The following SVOPL variants were observed in gnomAD, a reference collection of about 807,000 sequenced individuals.
The protein encoded by SVOPL is putative transporter SVOPL.
In SVOPL, 60 loss-of-function variants were observed where a neutral mutation model predicts 61.0. The observed-to-expected ratio is 0.98, with a 90% CI of 0.80 to 1.22. The LOEUF is 1.22. Ranked by LOEUF, SVOPL falls within the 50% of genes most tolerant of loss-of-function variation. The pLI, the probability that SVOPL is intolerant of heterozygous loss-of-function variation, is 0.00. For synonymous variants in SVOPL, 279 were observed against 250.0 expected (o/e 1.12, Z -1.09); for missense variants, 662 against 643.9 (o/e 1.03, Z -0.30).
At chr7:138,676,927 G>A (rs1225000491) in intron 3 of SVOPL, among the ~76,000 whole-genome samples, 8 of 93,988 alleles carry the variant, frequency 8.5e-5, no homozygotes, top group African/African-American at 3.5e-4. Context: ...TTTTTGAGAT[G>A]AAGTCTCGCT....
intron 9 of SVOPL, among the ~76,000 whole-genome samples, chr7:138,640,764 A>G (rs1800742810): frequency 6.6e-6 from 1 of 152,122 alleles, no homozygotes; most frequent in Non-Finnish European, 1.5e-5. Flanking sequence ...AGACTACTAG[A>G]GTGGGGAGGG....
intron 14 of SVOPL, among the ~76,000 whole-genome samples, chr7:138,601,239 G>A (rs573306805): frequency 1.0e-4 from 13 of 128,140 alleles, no homozygotes; most frequent in Admixed American, 6.1e-4. Flanking sequence ...GCGACAGAGC[G>A]AGATTCCATC....
Position 138,679,017 on chromosome 7 carries a change from G to T in SVOPL, c.29C>A (p.Thr10Lys), listed in dbSNP as rs369004741. Residue 10 changes from threonine (T) to lysine (K), a missense_variant, in exon 2 of 16, where the codon ACG (threonine) becomes AAG (lysine). Physicochemically the swap from Thr to Lys is moderately conservative, Grantham distance 78. Transcript: ENST00000674285. MATKPTEPV[T>K]ILSLRKLSLG... ...GCTCAATTTCCGAAGGCTGAGGATC[G>T]TGACAGGCTCTGTTGGCTTGGTTGC... 1 of 1,551,600 alleles carries T rather than the reference G, an allele frequency of 6.4e-7. No homozygotes were observed. The highest frequency in any genetic ancestry group is 8.7e-7 in the Non-Finnish European group (1 of 1,146,962).
At chr7:138,625,860 G>A in intron 13 of SVOPL, 109 bp downstream of exon 13, 1 of 1,100,034 alleles carries the variant, frequency 9.1e-7, no homozygotes, top group Non-Finnish European at 1.3e-6. Context: ...ATTGTTTTTA[G>A]AAAATCATCA....
chr7:138,678,563 C>A, intron 2 of SVOPL, 38 bp from the exon 3 acceptor site: 1 of 1,545,562 alleles, frequency 6.5e-7, no homozygotes, highest in Non-Finnish European at 8.8e-7. Flanking sequence ...ATTGCTTCTG[C>A]AGGGAAGGGA....
At chr7:138,678,302 G>A in intron 3 of SVOPL, 132 bp downstream of exon 3, 2 of 837,162 alleles carry the variant, frequency 2.4e-6, no homozygotes, top group Non-Finnish European at 3.6e-6. Context: ...CATCCACCTT[G>A]GGCACACGTT....
At chr7:138,691,571 G>A (rs1563140256) in intron 1 of SVOPL, among the ~76,000 whole-genome samples, 5 of 152,038 alleles carry the variant, frequency 3.3e-5, no homozygotes, top group South Asian at 2.1e-4. Context: ...ACCAAGTCTC[G>A]CTCTTGTCAC....
chr7:138,687,641 G>A (rs1330509752), intron 1 of SVOPL, among the ~76,000 whole-genome samples: 1 of 148,550 alleles, frequency 6.7e-6, no homozygotes, highest in Non-Finnish European at 1.5e-5. Context: ...AAAAAAATTG[G>A]ACTTAATAAA....
intron 1 of SVOPL, among the ~76,000 whole-genome samples, chr7:138,683,612 A>C (rs1584867788): frequency 6.6e-6 from 1 of 151,718 alleles, no homozygotes; most frequent in East Asian, 2.0e-4. Flanking sequence ...TAGGTGATCC[A>C]CCCGCCTTGG....
intron 7 of SVOPL, among the ~76,000 whole-genome samples, chr7:138,650,006 GTT>G (rs1009073001): frequency 6.6e-5 from 10 of 151,826 alleles, no homozygotes; most frequent in African/African-American, 2.2e-4. Flanking sequence ...TAATTTTTGT[GTT>G]TTTAGTAGAG....
intron 7 of SVOPL, among the ~76,000 whole-genome samples, chr7:138,654,047 C>T (rs1366090939): frequency 6.6e-6 from 1 of 151,312 alleles, no homozygotes; most frequent in Non-Finnish European, 1.5e-5. Context: ...GCGTGAGAAT[C>T]TCTTGAACCC....
At chr7:138,620,119 G>GTTTT (rs375556204) in intron 14 of SVOPL, among the ~76,000 whole-genome samples, 3,013 of 114,138 alleles carry the variant, frequency 0.026, 198 homozygotes, top group African/African-American at 0.089. Flanking sequence ...TTTTTTTTCT[G>GTTTT]TTTTGTTTTT....
intron 3 of SVOPL, among the ~76,000 whole-genome samples, chr7:138,677,476 G>T (rs1802595961): frequency 6.6e-6 from 1 of 152,100 alleles, no homozygotes; most frequent in South Asian, 2.1e-4. Flanking sequence ...ATGTGAAAAA[G>T]AAATAAGTCA....
intron 3 of SVOPL, among the ~76,000 whole-genome samples, chr7:138,675,134 G>A (rs1045259646): frequency 1.3e-5 from 2 of 150,824 alleles, no homozygotes; most frequent in Non-Finnish European, 3.0e-5. Context: ...AGGCTTGGTG[G>A]CTAAGCCTAT....
At chr7:138,637,862 G>A (rs1171719298) in intron 9 of SVOPL, among the ~76,000 whole-genome samples, 1 of 151,140 alleles carries the variant, frequency 6.6e-6, no homozygotes, top group Non-Finnish European at 1.5e-5. Flanking sequence ...TGATGCAGGA[G>A]AATCGCTTGA....
At chr7:138,692,997 A>G (rs112586803) in intron 1 of SVOPL, among the ~76,000 whole-genome samples, 3 of 152,196 alleles carry the variant, frequency 2.0e-5, no homozygotes, top group African/African-American at 7.2e-5. Flanking sequence ...GACTAGAGCT[A>G]TAAGTGTACC....
chr7:138,682,968 C>CAAAAAAAAAAAAAAAAAAAAA (rs762982090), intron 1 of SVOPL, among the ~76,000 whole-genome samples: 1 of 95,436 alleles, frequency 1.0e-5, no homozygotes, highest in African/African-American at 3.7e-5. Flanking sequence ...AACTCCATCT[C>CAAAAAAAAAAAAAAAAAAAAA]AAAAAAAAAA....
intron 14 of SVOPL, among the ~76,000 whole-genome samples, chr7:138,620,513 A>ACC (rs1799517489): frequency 6.8e-6 from 1 of 148,098 alleles, no homozygotes; most frequent in African/African-American, 2.5e-5. Flanking sequence ...AGGAACCACG[A>ACC]CCCCCAGGGT....
rs1402741405 is a variant in SVOPL at position 138,622,278 on chromosome 7, C to CTATG, written c.1264-1144_1264-1143insCATA. Reference sequence around the variant, plus strand: ...TGTATCTATCTATCTATGTATCTATCTATCTATCTATCTATCTATCTATCT... The same window carrying CTATG: ...TGTATCTATCTATCTATGTATCTATCTATGTATCTATCTATCTATCTATCTATCT... On this transcript the variant is annotated intron_variant, in intron 13 of 15. Transcript: ENST00000674285. 7.3e-5 allele frequency among the ~76,000 whole-genome samples: 10 copies of CTATG among 137,892 alleles called. 1 individual carries two copies. The highest frequency in any genetic ancestry group is 9.4e-5 in the Non-Finnish European group (6 of 63,720). The allele number at this position is 137,892 out of a possible 152,430, so 90.5% of individuals were successfully genotyped here.
Sources: allele counts gnomAD v4.1 joint callset (sites outside exome capture counted in the v4.1 genomes callset), GRCh38; gene constraint gnomAD v4.1.1; transcripts MANE v1.5; gene names NCBI Gene and HGNC (gene_info 2026-07-23, HGNC 2026-07-21).